MED25: variants seen among roughly 807,000 people sequenced by gnomAD.
MED25 encodes the protein mediator complex subunit 25, also known as mediator of RNA polymerase II transcription subunit 25.
In MED25, 62 loss-of-function variants were observed where a neutral mutation model predicts 89.4. The observed-to-expected ratio is 0.69, with a 90% CI of 0.57 to 0.86. The LOEUF (loss-of-function observed/expected upper bound fraction) is 0.86. Ranked by LOEUF, MED25 falls within the 40% of genes least tolerant of loss-of-function variation. MED25 has a pLI of 0.00. For synonymous variants in MED25, 449 were observed against 427.9 expected, an observed-to-expected ratio of 1.05 and a Z score of -0.61; for missense variants, 905 against 1,005.2, an observed-to-expected ratio of 0.90 and a Z score of 1.35.
At chr19:49,819,825 A>ATT (rs11288478) in intron 3 of MED25, 13 of 162,220 alleles carry the variant, frequency 8.0e-5, no homozygotes, top group South Asian at 2.4e-4. Context: ...TTGGGTCAGA[A>ATT]TTTTTTTTTT....
chr19:49,819,745 T>C (rs1264086374), intron 3 of MED25: 2 of 320,952 alleles, frequency 6.2e-6, no homozygotes, highest in Non-Finnish European at 1.2e-5. Flanking sequence ...CTGTCCTCCT[T>C]TTCCAGATGG....
chr19:49,820,940 A>AGTATTT (rs2073977284), intron 3 of MED25, among the ~76,000 whole-genome samples: 1 of 152,238 alleles, frequency 6.6e-6, no homozygotes, highest in Non-Finnish European at 1.5e-5. Context: ...TACTTGTATT[A>AGTATTT]GTATTTCATT....
downstream of MED25, chr19:49,836,983 C>T (rs748365789): frequency 3.3e-6 from 5 of 1,502,120 alleles, no homozygotes; most frequent in South Asian, 2.3e-5. The surrounding 1 kb of genome is among the most constrained non-coding windows in gnomAD (Gnocchi z 5.1). Context: ...TAACACACGC[C>T]CCGGCTCCCG....
rs565605329 is a variant in MED25, at chr19:49,829,436, G to A, written c.525+346G>A. On this transcript the variant is annotated intron_variant, in intron 5 of 17. Transcript: ENST00000312865. The surrounding 1 kb of genome is among the most constrained non-coding windows in gnomAD (Gnocchi z 4.6). ...TGGGATTATAGACGCCCGCCACCAC[G>A]CCCAGCTGATTTTTGTATCTTTAGT... Among the ~76,000 whole-genome samples, 96 of 152,188 alleles carry A rather than the reference G, an allele frequency of 6.3e-4. No individual in the cohort carries two copies. Among genetic ancestry groups the A allele is most frequent in the African/African-American group, 2.2e-3 (93 of 41,530 alleles).
Position 49,830,499 on chromosome 19 carries a change from T to C in MED25, c.820-12T>C, listed in dbSNP as rs1372636402. On this transcript the variant is annotated splice_polypyrimidine_tract_variant and intron_variant, in intron 7 of 17. Coordinates refer to ENST00000312865, the MANE Select transcript of MED25 (RefSeq NM_030973.4). This position sits in a 1 kb window ranked among gnomAD's most constrained non-coding sequence, Gnocchi z 4.6. ...CTCACCAGTCCCTTCCCTTCTTCCC[T>C]TCTACCCACAGGTTCCCGGGAACCT... The C allele has an allele frequency of 3.1e-6, 5 of 1,613,556 alleles. No individual in the cohort carries two copies. The highest frequency in any genetic ancestry group is 3.4e-6 in the Non-Finnish European group (4 of 1,179,554).
chr19:49,831,444 G>C lies in MED25; in HGVS notation c.1213G>C (p.Val405Leu). The C allele has an allele frequency of 6.2e-7, 1 of 1,612,586 alleles. No individual in the cohort carries two copies. Among genetic ancestry groups the C allele is most frequent in the Non-Finnish European group, 8.5e-7 (1 of 1,179,486 alleles). Residue 405 changes from valine to leucine, a missense_variant, in exon 10 of 18, where the codon GTC becomes CTC. Val to Leu is a conservative substitution (Grantham distance 32). Transcript: ENST00000312865. The surrounding 1 kb of genome is among the most constrained non-coding windows in gnomAD (Gnocchi z 5.0). ...VSNKLLAWSG[V>L]LEWQEKPKPA... Reference sequence around the variant, plus strand: ...CAATAAGCTTCTGGCCTGGAGCGGGGTCCTGGAGTGGCAAGAGGTGAGGGG... The same window carrying C: ...CAATAAGCTTCTGGCCTGGAGCGGGCTCCTGGAGTGGCAAGAGGTGAGGGG...
rs577156147 is a variant in MED25, at chr19:49,821,519, C to T, written c.305+2223C>T. Among the ~76,000 whole-genome samples, 24 of 152,318 alleles carry T rather than the reference C, an allele frequency of 1.6e-4. No individual in the cohort carries two copies. The South Asian group carries it at 5.0e-3, about 32-fold the overall frequency. On this transcript the variant is annotated intron_variant, in intron 3 of 17. Coordinates refer to ENST00000312865, the MANE Select transcript of MED25 (RefSeq NM_030973.4). ...TGGTGGCTCACGCCTGTAATCCCAGCACTTTGGGAGGCTGGGGCAGGTGGA... is the reference window on the plus strand; with the variant it reads ...TGGTGGCTCACGCCTGTAATCCCAGTACTTTGGGAGGCTGGGGCAGGTGGA...
chr19:49,837,054 C>A, downstream of MED25: 1 of 903,830 alleles, frequency 1.1e-6, no homozygotes. Flanking sequence ...TGTCCTTGTT[C>A]TCACTTCAGC....
In MED25 at chr19:49,829,655, C is replaced by G. The variant is rs2123877814; in HGVS notation, c.526-131C>G. The G allele has an allele frequency of 9.9e-7, 1 of 1,010,760 alleles. No individual in the cohort carries two copies. The allele number at this position is 1,010,760 out of a possible 1,614,324, so 62.6% of individuals were successfully genotyped here. ...TACCTGGTTTCAGGGTCTCCTGCCT[C>G]AAAGCCCAATGGGAATTGTGGTTGT... On this transcript the variant is annotated intron_variant, in intron 5 of 17. Coordinates refer to ENST00000312865, the MANE Select transcript of MED25 (RefSeq NM_030973.4). This position sits in a 1 kb window ranked among gnomAD's most constrained non-coding sequence, Gnocchi z 4.6.
Position 49,829,783 on chromosome 19 carries a change from C to T in MED25, c.526-3C>T. On this transcript the variant is annotated splice_region_variant and splice_polypyrimidine_tract_variant and intron_variant, in intron 5 of 17. Coordinates refer to ENST00000312865, the MANE Select transcript of MED25 (RefSeq NM_030973.4). This position sits in a 1 kb window ranked among gnomAD's most constrained non-coding sequence, Gnocchi z 4.6. ...TCATGACTGCTCGGCCCCTCTCCTA[C>T]AGCGGGGGATCCACTTCTCCATTGT... is the stretch of plus-strand genomic sequence containing the variant. The T allele has an allele frequency of 6.3e-7, 1 of 1,586,212 alleles. No individual in the cohort carries two copies. The highest frequency in any genetic ancestry group is 8.6e-7 in the Non-Finnish European group (1 of 1,166,486).
rs942933022 is a variant in MED25, at chr19:49,834,583, T to C, written c.1483-403T>C. On this transcript the variant is annotated intron_variant, in intron 13 of 17. Transcript: ENST00000312865. The surrounding 1 kb of genome is among the most constrained non-coding windows in gnomAD (Gnocchi z 4.1). ...TGGAGGATCTCTTGGATACCCGGGG[T>C]CCGACCCACCGTTGATCACAGGCCT... 1.6e-5 allele frequency: 5 copies of C among 303,086 alleles called. No individual in the cohort carries two copies. The Admixed American group carries it at 2.1e-4, about 13-fold the overall frequency. 18.8% of individuals were successfully genotyped at this position (303,086 alleles called of 1,614,324 possible). A position where few individuals can be genotyped will look rare whatever the true frequency, so the allele number is the denominator to read the frequency against.
intron 3 of MED25, among the ~76,000 whole-genome samples, chr19:49,826,896 G>A (rs530002586): frequency 3.3e-5 from 5 of 152,216 alleles, no homozygotes; most frequent in East Asian, 3.9e-4. Flanking sequence ...TGCAGGACTC[G>A]GAGGCCTCGG....
Position 49,830,404 on chromosome 19 carries a change from C to G in MED25, c.820-107C>G, listed in dbSNP as rs1189141725. Reference sequence around the variant, plus strand: ...TGATGGGTGTTGTGAGCTAAGCTATCCCAGCTGGTGCCTCATGGGGCCATG... The same window carrying G: ...TGATGGGTGTTGTGAGCTAAGCTATGCCAGCTGGTGCCTCATGGGGCCATG... On this transcript the variant is annotated intron_variant, in intron 7 of 17. Coordinates refer to ENST00000312865, the MANE Select transcript of MED25 (RefSeq NM_030973.4). This position sits in a 1 kb window ranked among gnomAD's most constrained non-coding sequence, Gnocchi z 4.6. The G allele has an allele frequency of 1.6e-6, 2 of 1,263,228 alleles. No individual in the cohort carries two copies. The highest frequency in any genetic ancestry group is 1.1e-6 in the Non-Finnish European group (1 of 878,432). 78.3% of individuals were successfully genotyped at this position (1,263,228 alleles called of 1,614,324 possible).
At chr19:49,832,206 G>T (rs1568624021) in intron 12 of MED25, 49 bp downstream of exon 12, 1 of 1,598,680 alleles carries the variant, frequency 6.3e-7, no homozygotes, top group East Asian at 2.3e-5. Flanking sequence ...TCCTCACCCT[G>T]CTGTCTCTTT....
chr19:49,838,616 TTCGAGAA>T (rs1249694639), downstream of MED25: 1 of 457,378 alleles, frequency 2.2e-6, no homozygotes, highest in Non-Finnish European at 4.4e-6. Context: ...GGCCGTGTGT[TTCGAGAA>T]AAATGGGAGC....
Position 49,830,024 on chromosome 19 carries a change from T to A in MED25, c.689-64T>A. The A allele has an allele frequency of 5.0e-6, 8 of 1,595,790 alleles. No homozygotes were observed. The highest frequency in any genetic ancestry group is 6.8e-6 in the Non-Finnish European group (8 of 1,170,268). ...GCTCCCTCTGACTTGGATTTTGGAT[T>A]TCTCTCCTTTCTCTGCATCTTGAAT... is the stretch of plus-strand genomic sequence containing the variant. On this transcript the variant is annotated intron_variant, in intron 6 of 17. Coordinates refer to ENST00000312865, the MANE Select transcript of MED25 (RefSeq NM_030973.4). The surrounding 1 kb of genome is among the most constrained non-coding windows in gnomAD (Gnocchi z 4.6).
chr19:49,838,515 GGTT>G, downstream of MED25: 1 of 454,174 alleles, frequency 2.2e-6, no homozygotes, highest in South Asian at 1.6e-5. Context: ...TTTGCACTGT[GGTT>G]GTTCTGTGGT....
chr19:49,823,198 C>T (rs1473294176), intron 3 of MED25, among the ~76,000 whole-genome samples: 4 of 152,160 alleles, frequency 2.6e-5, no homozygotes, highest in African/African-American at 7.2e-5. Flanking sequence ...AAGCGATCCT[C>T]CTGCCTTGAC....
intron 3 of MED25, among the ~76,000 whole-genome samples, chr19:49,823,684 TC>T (rs2073998114): frequency 6.6e-6 from 1 of 152,150 alleles, no homozygotes; most frequent in Non-Finnish European, 1.5e-5. Context: ...TCTGCTTTGT[TC>T]CAGTATGTGC....
Sources: allele counts gnomAD v4.1 joint callset (sites outside exome capture counted in the v4.1 genomes callset), GRCh38; gene constraint gnomAD v4.1.1; non-coding constraint Gnocchi (gnomAD v3.1); transcripts MANE v1.5; gene names NCBI Gene and HGNC (gene_info 2026-07-23, HGNC 2026-07-21).